LPP: variants seen among roughly 807,000 people sequenced by gnomAD.
LPP encodes lipoma-preferred partner.
LPP carries 38 observed loss-of-function variants against 60.4 expected under a neutral mutation model. That is an observed-to-expected ratio of 0.63 (90% CI 0.49 to 0.83). LPP has a LOEUF of 0.83. Ranked by LOEUF, LPP falls within the 40% of genes least tolerant of loss-of-function variation. The probability of loss-of-function intolerance (pLI) is 0.00; values close to 1 mark genes in which losing one functional copy is unlikely to be tolerated. For synonymous variants in LPP, 328 were observed against 290.8 expected (o/e 1.13, Z -1.30); for missense variants, 902 against 783.6 (o/e 1.15, Z -1.80).
intron 4 of LPP, among the ~76,000 whole-genome samples, chr3:188,415,641 T>A (rs1457642821): frequency 6.6e-6 from 1 of 152,104 alleles, no homozygotes; most frequent in African/African-American, 2.4e-5. Context: ...ATTGTTGGTA[T>A]ATGCAATAAC....
At chr3:188,428,424 G>A (rs1042243081) in intron 4 of LPP, among the ~76,000 whole-genome samples, 20 of 151,906 alleles carry the variant, frequency 1.3e-4, no homozygotes, top group Admixed American at 9.8e-4. Context: ...CAAATGTTCC[G>A]GAATACAGAC....
chr3:188,167,172 G>T (rs1720207079), intron 1 of LPP, among the ~76,000 whole-genome samples: 2 of 152,186 alleles, frequency 1.3e-5, no homozygotes, highest in African/African-American at 2.4e-5. Context: ...ATTGTGGAAG[G>T]TATTCTATGG....
intron 4 of LPP, among the ~76,000 whole-genome samples, chr3:188,420,986 G>A (rs1286137780): frequency 6.6e-6 from 1 of 152,108 alleles, no homozygotes; most frequent in Non-Finnish European, 1.5e-5. Flanking sequence ...GAAATGAATA[G>A]GGCATGGGTT....
chr3:188,338,819 A>AT (rs1340448309), intron 2 of LPP, among the ~76,000 whole-genome samples: 2 of 152,158 alleles, frequency 1.3e-5, no homozygotes, highest in African/African-American at 4.8e-5. Flanking sequence ...AACACTTAGA[A>AT]TTTTTGTTCA....
chr3:188,562,636 G>GT (rs566865268), intron 6 of LPP, among the ~76,000 whole-genome samples: 177 of 151,880 alleles, frequency 1.2e-3, no homozygotes, highest in Non-Finnish European at 2.2e-3. Context: ...GAAATGTAAC[G>GT]TGCGGCACTT....
At chr3:188,367,531 C>A (rs1212557869) in intron 3 of LPP, among the ~76,000 whole-genome samples, 1 of 151,908 alleles carries the variant, frequency 6.6e-6, no homozygotes, top group Non-Finnish European at 1.5e-5. Flanking sequence ...AATATGATGT[C>A]GATAAAAATA....
intron 2 of LPP, among the ~76,000 whole-genome samples, chr3:188,281,335 C>T (rs753755965): frequency 6.6e-6 from 1 of 151,984 alleles, no homozygotes; most frequent in African/African-American, 2.4e-5. Context: ...GGCATAGTGG[C>T]TCACACCTGT....
At chr3:188,271,075 ATTCTTCCAAATACTTTT>A (rs1448942450) in intron 2 of LPP, among the ~76,000 whole-genome samples, 31 of 152,232 alleles carry the variant, frequency 2.0e-4, no homozygotes, top group Non-Finnish European at 1.6e-4. Context: ...GCATTTTCTA[ATTCTTCCAAATACTTTT>A]TGTGGCTTGA....
At chr3:188,452,508 T>C (rs1159618925) in intron 4 of LPP, among the ~76,000 whole-genome samples, 1 of 152,184 alleles carries the variant, frequency 6.6e-6, no homozygotes, top group Non-Finnish European at 1.5e-5. Context: ...TGTTGAGGGA[T>C]GATAGAGTCC....
In LPP at chr3:188,578,603, A is replaced by G. The variant is rs1409339099; in HGVS notation, c.430-30558A>G. ...TATTATCTCTCACTTTAAGGAAACT[A>G]ACTTTAGCAACTCATTCCCTCACTT... On this transcript the variant is annotated intron_variant, in intron 6 of 11. Transcript: ENST00000617246. 2.1e-5 allele frequency among the ~76,000 whole-genome samples: 3 copies of G among 144,292 alleles called. No individual in the cohort carries two copies. The Admixed American group carries it at 2.2e-4, about 11-fold the overall frequency. 94.7% of individuals were successfully genotyped at this position (144,292 alleles called of 152,430 possible). A position where few individuals can be genotyped will look rare whatever the true frequency, so the allele number is the denominator to read the frequency against.
intron 9 of LPP, among the ~76,000 whole-genome samples, chr3:188,804,759 A>C (rs568443723): frequency 7.9e-5 from 12 of 152,034 alleles, no homozygotes; most frequent in Non-Finnish European, 1.8e-4. Flanking sequence ...GAACATGAAC[A>C]TTTTTGCGCT....
intron 9 of LPP, among the ~76,000 whole-genome samples, chr3:188,771,729 C>T (rs773171694): frequency 3.3e-5 from 5 of 152,064 alleles, no homozygotes; most frequent in Non-Finnish European, 7.4e-5. Context: ...TGTACCAGGG[C>T]TTAGCCCCAG....
chr3:188,440,184 G>C (rs763461327), intron 4 of LPP, among the ~76,000 whole-genome samples: 20 of 152,122 alleles, frequency 1.3e-4, no homozygotes, highest in Admixed American at 3.3e-4. Context: ...TCCTAGCACA[G>C]TGCCAGATGA....
intron 4 of LPP, among the ~76,000 whole-genome samples, chr3:188,455,511 G>A (rs1490968997): frequency 1.3e-5 from 2 of 152,190 alleles, no homozygotes; most frequent in Non-Finnish European, 2.9e-5. Context: ...GATTGGCAAA[G>A]TAATTGATAT....
rs1770243359 is a variant in LPP, at chr3:188,883,108, G to A, written c.*8629G>A. The A allele has an allele frequency of 1.4e-5, 3 of 216,644 alleles. No homozygotes were observed. The East Asian group carries it at 2.0e-4, about 15-fold the overall frequency. 13.4% of individuals were successfully genotyped at this position (216,644 alleles called of 1,614,324 possible). The stretch of plus-strand genomic sequence containing the variant: ...GCTACACGACTTTAAAACAGAGCCA[G>A]CCTTTGGGGCATATGTTCTCTTTGG... On this transcript the variant is annotated 3_prime_UTR_variant, in exon 12 of 12. Transcript: ENST00000617246.
intron 8 of LPP, among the ~76,000 whole-genome samples, chr3:188,726,344 C>G (rs1312498956): frequency 6.6e-6 from 1 of 150,832 alleles, no homozygotes; most frequent in Admixed American, 6.6e-5. Context: ...AATGACATCA[C>G]TAAGTGATGT....
intron 9 of LPP, among the ~76,000 whole-genome samples, chr3:188,789,097 G>A (rs1742842718): frequency 7.4e-6 from 1 of 135,114 alleles, no homozygotes; most frequent in Non-Finnish European, 1.5e-5. Context: ...GTTGTTGTTG[G>A]GTTTTTTTTT....
chr3:188,407,784 G>GTTTTTTT (rs1397646143), intron 4 of LPP, among the ~76,000 whole-genome samples: 12 of 114,826 alleles, frequency 1.0e-4, no homozygotes, highest in Non-Finnish European at 1.5e-4. Flanking sequence ...TTTTTTGTTT[G>GTTTTTTT]TTTGTTTTTT....
At chr3:188,346,225 C>T (rs1764311520) in intron 3 of LPP, among the ~76,000 whole-genome samples, 1 of 149,978 alleles carries the variant, frequency 6.7e-6, no homozygotes, top group Admixed American at 6.6e-5. Flanking sequence ...CCCTTTCTGT[C>T]CAGGGACCTG....
Sources: allele counts gnomAD v4.1 joint callset (sites outside exome capture counted in the v4.1 genomes callset), GRCh38; gene constraint gnomAD v4.1.1; transcripts MANE v1.5; gene names NCBI Gene and HGNC (gene_info 2026-07-23, HGNC 2026-07-21).